DOCK3: variants seen among roughly 807,000 people sequenced by gnomAD.
DOCK3 encodes dedicator of cytokinesis 3.
Under a neutral mutation model 265.6 loss-of-function variants are expected in DOCK3, and 60 were observed. The observed-to-expected ratio is 0.23, with a 90% CI of 0.18 to 0.28. The LOEUF (loss-of-function observed/expected upper bound fraction) is 0.28, where lower values mean the gene tolerates loss of function less well. Ranked by LOEUF, DOCK3 falls within the 10% of genes least tolerant of loss-of-function variation. The pLI is 1.00. For missense variants in DOCK3, 1,981 were observed against 2,594.3 expected, an observed-to-expected ratio of 0.76 and a Z score of 5.14; for synonymous variants, 881 against 938.0, an observed-to-expected ratio of 0.94 and a Z score of 1.11.
chr3:50,742,530 C>T (rs1467217560), intron 1 of DOCK3, among the ~76,000 whole-genome samples: 3 of 151,316 alleles, frequency 2.0e-5, no homozygotes, highest in Non-Finnish European at 4.4e-5. Context: ...AGCCAAGGCT[C>T]GAGAACTACG....
At chr3:50,846,467 T>C (rs1160442280) in intron 3 of DOCK3, among the ~76,000 whole-genome samples, 1 of 152,184 alleles carries the variant, frequency 6.6e-6, no homozygotes, top group Non-Finnish European at 1.5e-5. Flanking sequence ...TATAGTTTTC[T>C]CTTTTTGTTG....
At chr3:51,272,390 C>T (rs1200194025) in intron 24 of DOCK3, among the ~76,000 whole-genome samples, 2 of 151,428 alleles carry the variant, frequency 1.3e-5, no homozygotes, top group Non-Finnish European at 2.9e-5. Context: ...GATTCTCCTG[C>T]CTCAGCCTCC....
At chr3:51,178,159 A>G (rs2087072416) in intron 12 of DOCK3, among the ~76,000 whole-genome samples, 1 of 152,218 alleles carries the variant, frequency 6.6e-6, no homozygotes. Context: ...AAATGTCACA[A>G]TATTAATGAT....
chr3:51,171,590 A>T (rs745903679), intron 12 of DOCK3, among the ~76,000 whole-genome samples: 1 of 151,666 alleles, frequency 6.6e-6, no homozygotes, highest in African/African-American at 2.4e-5. Context: ...GGTGGTGGGC[A>T]CCTGTAGTCC....
At chr3:50,695,076 C>T (rs559809980) in intron 1 of DOCK3, among the ~76,000 whole-genome samples, 1 of 152,162 alleles carries the variant, frequency 6.6e-6, no homozygotes, top group African/African-American at 2.4e-5. Flanking sequence ...ATAATGCAAT[C>T]TTTTTAGAAG....
chr3:51,160,756 A>G, intron 12 of DOCK3, 54 bp downstream of exon 12: 1 of 1,576,010 alleles, frequency 6.3e-7, no homozygotes, highest in South Asian at 1.2e-5. Context: ...ACATCCCAGC[A>G]CTGCCCTTGA....
intron 46 of DOCK3, 115 bp downstream of exon 46, chr3:51,358,192 T>G (rs905174000): frequency 1.9e-6 from 2 of 1,035,794 alleles, no homozygotes; most frequent in Admixed American, 4.4e-5. Flanking sequence ...GGGGCCGGGG[T>G]TGGGGAGAGA....
chr3:50,874,355 A>G (rs1405094306), intron 3 of DOCK3, among the ~76,000 whole-genome samples: 1 of 151,878 alleles, frequency 6.6e-6, no homozygotes, highest in Non-Finnish European at 1.5e-5. Flanking sequence ...TTAAAAGAAA[A>G]AATTAGCTGG....
intron 22 of DOCK3, among the ~76,000 whole-genome samples, chr3:51,253,121 CAT>C (rs1240025417): frequency 2.0e-5 from 3 of 152,282 alleles, no homozygotes; most frequent in African/African-American, 7.2e-5. Flanking sequence ...TTGAGATAAT[CAT>C]GTGGTTTTTT....
At chr3:51,129,308 A>G (rs1426476234) in intron 9 of DOCK3, among the ~76,000 whole-genome samples, 1 of 152,186 alleles carries the variant, frequency 6.6e-6, no homozygotes, top group African/African-American at 2.4e-5. Flanking sequence ...TGGTGCCTGC[A>G]TATCGCGCAG....
chr3:51,292,288 G>T (rs1450020066), intron 27 of DOCK3, among the ~76,000 whole-genome samples: 25 of 152,012 alleles, frequency 1.6e-4, no homozygotes, highest in Admixed American at 1.5e-3. Context: ...GAAAGAAAAG[G>T]CATCCAAATA....
chr3:50,726,598 GTAT>G (rs956409555), intron 1 of DOCK3, among the ~76,000 whole-genome samples: 4 of 152,086 alleles, frequency 2.6e-5, no homozygotes, highest in Non-Finnish European at 4.4e-5. Flanking sequence ...GACTAGGAGA[GTAT>G]TATTATTATT....
At chr3:51,197,817 G>A (rs930251791) in intron 12 of DOCK3, among the ~76,000 whole-genome samples, 4 of 152,178 alleles carry the variant, frequency 2.6e-5, no homozygotes, top group Admixed American at 6.5e-5. Context: ...CAGCGGGTGG[G>A]AATGCACATT....
At chr3:51,249,293 C>T (rs1462868542) in intron 22 of DOCK3, among the ~76,000 whole-genome samples, 31 of 140,320 alleles carry the variant, frequency 2.2e-4, no homozygotes. Context: ...AGGAGCCCCT[C>T]TGCCCAACCA....
At chr3:51,380,320 C>T in intron 52 of DOCK3, 113 bp downstream of exon 52, 3 of 1,029,034 alleles carry the variant, frequency 2.9e-6, no homozygotes, top group Non-Finnish European at 4.2e-6. Context: ...TCACCTCTCT[C>T]CCCAGCCTGG....
intron 2 of DOCK3, among the ~76,000 whole-genome samples, chr3:50,837,834 C>T (rs538649633): frequency 1.2e-4 from 19 of 152,184 alleles, no homozygotes; most frequent in African/African-American, 4.6e-4. Context: ...TATAAAGGTG[C>T]TGAGGCGGGA....
intron 2 of DOCK3, among the ~76,000 whole-genome samples, chr3:50,816,138 C>T (rs983640610): frequency 3.3e-5 from 5 of 151,980 alleles, no homozygotes; most frequent in Non-Finnish European, 7.4e-5. Context: ...GGGCCTAGTG[C>T]AGGAGCTCAG....
chr3:50,681,782 C>T (rs1331091740), intron 1 of DOCK3, among the ~76,000 whole-genome samples: 1 of 152,224 alleles, frequency 6.6e-6, no homozygotes, highest in Admixed American at 6.5e-5. Context: ...TTCTCCCTCT[C>T]CCTTCGGAAC....
chr3:51,357,227 C>T, intron 44 of DOCK3, 86 bp downstream of exon 44: 3 of 1,436,792 alleles, frequency 2.1e-6, no homozygotes, highest in Non-Finnish European at 2.8e-6. Flanking sequence ...ATTATAGTCT[C>T]CTTAGGTAGC....
Sources: allele counts gnomAD v4.1 joint callset (sites outside exome capture counted in the v4.1 genomes callset), GRCh38; gene constraint gnomAD v4.1.1; transcripts MANE v1.5; gene names NCBI Gene and HGNC (gene_info 2026-07-23, HGNC 2026-07-21).